Variants in KHDRBS2 observed in about 807,000 individuals in gnomAD.
KHDRBS2 encodes KH domain-containing, RNA-binding, signal transduction-associated protein 2.
In KHDRBS2, 26 loss-of-function variants were observed where a neutral mutation model predicts 44.3. The ratio of observed to expected loss-of-function variants is 0.59; its 90% CI spans 0.43 to 0.81. The LOEUF (loss-of-function observed/expected upper bound fraction) is 0.81, where lower values mean the gene tolerates loss of function less well. KHDRBS2 is among the 40% of genes least tolerant of loss of function. The pLI, the probability that KHDRBS2 is intolerant of heterozygous loss-of-function variation, is 0.00. For synonymous variants in KHDRBS2, 194 were observed against 151.1 expected, an observed-to-expected ratio of 1.28 and a Z score of -2.08; for missense variants, 476 against 433.1, an observed-to-expected ratio of 1.10 and a Z score of -0.88.
chr6:61,830,748 A>G (rs1432712656), intron 6 of KHDRBS2, among the ~76,000 whole-genome samples: 1 of 152,176 alleles, frequency 6.6e-6, no homozygotes, highest in Non-Finnish European at 1.5e-5. Flanking sequence ...CTTTGAGCCA[A>G]ATGGTAAAGT....
At chr6:61,783,376 A>G (rs975536653) in intron 6 of KHDRBS2, among the ~76,000 whole-genome samples, 32 of 151,994 alleles carry the variant, frequency 2.1e-4, no homozygotes, top group African/African-American at 7.2e-4. Context: ...AGCGCTTTCC[A>G]TGTTGCATTG....
chr6:61,758,075 T>C (rs1252066363), intron 6 of KHDRBS2, among the ~76,000 whole-genome samples: 1 of 152,138 alleles, frequency 6.6e-6, no homozygotes, highest in Non-Finnish European at 1.5e-5. Flanking sequence ...CTTGGTTTCC[T>C]TGAACTCTCA....
intron 6 of KHDRBS2, among the ~76,000 whole-genome samples, chr6:61,772,895 GT>G (rs1582745489): frequency 6.6e-6 from 1 of 151,832 alleles, no homozygotes; most frequent in Non-Finnish European, 1.5e-5. Flanking sequence ...GCGGTGTTTG[GT>G]TTTTTGTTCT....
intron 3 of KHDRBS2, among the ~76,000 whole-genome samples, chr6:61,985,649 G>A (rs979352889): frequency 3.3e-5 from 5 of 152,060 alleles, no homozygotes; most frequent in Admixed American, 6.6e-5. Context: ...GTTGGACCTC[G>A]TTATATGTAA....
At chr6:61,763,145 G>A (rs1210235097) in intron 6 of KHDRBS2, among the ~76,000 whole-genome samples, 1 of 152,194 alleles carries the variant, frequency 6.6e-6, no homozygotes, top group Non-Finnish European at 1.5e-5. Flanking sequence ...AAGCCCAGGA[G>A]CTGAGCAGAG....
chr6:62,065,958 T>C (rs1392685715), intron 2 of KHDRBS2, among the ~76,000 whole-genome samples: 1 of 151,754 alleles, frequency 6.6e-6, no homozygotes, highest in Non-Finnish European at 1.5e-5. Context: ...GTGCTAATCA[T>C]ATTTTTCTTT....
At chr6:61,811,925 C>T (rs1788189672) in intron 6 of KHDRBS2, among the ~76,000 whole-genome samples, 1 of 151,924 alleles carries the variant, frequency 6.6e-6, no homozygotes, top group Admixed American at 6.6e-5. Flanking sequence ...CAAAAGTTGT[C>T]TAGTTTCTAG....
chr6:62,075,560 T>C (rs1420945210), intron 2 of KHDRBS2, among the ~76,000 whole-genome samples: 1 of 151,964 alleles, frequency 6.6e-6, no homozygotes, highest in African/African-American at 2.4e-5. Context: ...CAATTTGCCT[T>C]TGGCACAGGA....
chr6:62,051,298 C>A (rs1240156410), intron 2 of KHDRBS2, among the ~76,000 whole-genome samples: 2 of 151,976 alleles, frequency 1.3e-5, no homozygotes, highest in Non-Finnish European at 2.9e-5. Flanking sequence ...AGAATAAAAA[C>A]TCATGTAAAA....
At chr6:61,881,440 G>A (rs1156684960) in intron 6 of KHDRBS2, among the ~76,000 whole-genome samples, 1 of 151,868 alleles carries the variant, frequency 6.6e-6, no homozygotes, top group Non-Finnish European at 1.5e-5. Flanking sequence ...ATAAATTCTA[G>A]AGAGAGGTAG....
chr6:61,922,344 G>A (rs1478388963), intron 4 of KHDRBS2, among the ~76,000 whole-genome samples: 3 of 152,070 alleles, frequency 2.0e-5, no homozygotes, highest in Non-Finnish European at 2.9e-5. Flanking sequence ...ATGGCACAGA[G>A]AGGAGTAATC....
intron 2 of KHDRBS2, among the ~76,000 whole-genome samples, chr6:62,153,797 A>G (rs1394529918): frequency 6.6e-6 from 1 of 152,170 alleles, no homozygotes; most frequent in African/African-American, 2.4e-5. Flanking sequence ...GCATGTATAT[A>G]GTCTAAGGGA....
the KHDRBS2 span, among the ~76,000 whole-genome samples, chr6:61,640,833 A>G: frequency 3.3e-5 from 5 of 152,182 alleles, no homozygotes; most frequent in African/African-American, 1.2e-4. Flanking sequence ...GTGGCCAAGT[A>G]GCAAACAGTA....
chr6:61,985,274 C>T lies in KHDRBS2; in HGVS notation c.337-7062G>A, dbSNP rs143710349. The stretch of plus-strand genomic sequence containing the variant: ...CCTCAACTGCCATGATTTTAAAGAC[C>T]GAAATATTTTATTTATTTATTTATT... On this transcript the variant is annotated intron_variant, in intron 3 of 8. Transcript: ENST00000281156. Among the ~76,000 whole-genome samples, 148 of 152,034 alleles carry T rather than the reference C, an allele frequency of 9.7e-4. 1 individual carries two copies. The East Asian group carries it at 0.026, about 27-fold the overall frequency.
intron 6 of KHDRBS2, among the ~76,000 whole-genome samples, chr6:61,798,731 AACCACATTTTTTAT>A (rs2127588574): frequency 6.6e-6 from 1 of 152,146 alleles, no homozygotes; most frequent in South Asian, 2.1e-4. Context: ...TAAAATTGGA[AACCACATTTTTTAT>A]GTTTTCCAGT....
At chr6:62,061,251 G>A (rs1348164953) in intron 2 of KHDRBS2, among the ~76,000 whole-genome samples, 2 of 151,566 alleles carry the variant, frequency 1.3e-5, no homozygotes, top group Admixed American at 6.6e-5. Context: ...GTTAGTTGAT[G>A]CAGTTTCTTC....
chr6:61,775,070 G>C (rs1415362283), intron 6 of KHDRBS2, among the ~76,000 whole-genome samples: 2 of 152,052 alleles, frequency 1.3e-5, no homozygotes, highest in South Asian at 2.1e-4. Context: ...ATGCAGAAAA[G>C]ACCTTTGACA....
intron 3 of KHDRBS2, among the ~76,000 whole-genome samples, chr6:62,026,228 T>A (rs1303377632): frequency 6.6e-6 from 1 of 151,478 alleles, no homozygotes; most frequent in African/African-American, 2.4e-5. Flanking sequence ...TCTATAACAC[T>A]TTCCCCACTT....
intron 6 of KHDRBS2, among the ~76,000 whole-genome samples, chr6:61,774,822 G>T (rs1781663256): frequency 6.6e-6 from 1 of 152,040 alleles, no homozygotes; most frequent in South Asian, 2.1e-4. Context: ...ACCAAAGCCT[G>T]GCAGAGACAC....
Sources: gnomAD v4.1 joint callset for allele counts (sites outside exome capture counted in the v4.1 genomes callset) on GRCh38, gnomAD v4.1.1 for gene constraint, MANE v1.5 for transcripts, NCBI Gene and HGNC (gene_info 2026-07-23, HGNC 2026-07-21) for gene names.